The following PTPRD variants were observed in gnomAD, a reference collection of about 807,000 sequenced individuals.
PTPRD encodes the protein receptor-type tyrosine-protein phosphatase delta.
PTPRD carries 34 observed loss-of-function variants against 214.5 expected under a neutral mutation model. The observed-to-expected ratio is 0.16, with a 90% CI of 0.12 to 0.21. The LOEUF (loss-of-function observed/expected upper bound fraction) is 0.21. Among genes scored for constraint, PTPRD ranks in the 10% least tolerant of loss-of-function variants. The pLI, the probability that PTPRD is intolerant of heterozygous loss-of-function variation, is 1.00. For missense variants in PTPRD, 2,545 were observed against 2,398.7 expected (o/e 1.06, Z -1.27); for synonymous variants, 1,128 against 845.7 (o/e 1.33, Z -5.79).
At chr9:8,930,165 G>A (rs2098942150) in intron 11 of PTPRD, among the ~76,000 whole-genome samples, 1 of 146,052 alleles carries the variant, frequency 6.8e-6, no homozygotes, top group African/African-American at 2.6e-5. Flanking sequence ...CTGTGTCCAA[G>A]TGTTCTTATT....
intron 34 of PTPRD, among the ~76,000 whole-genome samples, chr9:8,445,522 G>A (rs937551079): frequency 2.6e-5 from 4 of 152,216 alleles, no homozygotes; most frequent in African/African-American, 9.6e-5. Context: ...TAATGAAAGT[G>A]TACAAGCACA....
At chr9:9,358,715 A>G in intron 9 of PTPRD, among the ~76,000 whole-genome samples, 1 of 151,358 alleles carries the variant, frequency 6.6e-6, no homozygotes, top group Non-Finnish European at 1.5e-5. Flanking sequence ...AGAACTAAAA[A>G]GTACATGTTG....
At chr9:9,285,885 T>C (rs1245063024) in intron 9 of PTPRD, among the ~76,000 whole-genome samples, 1 of 151,824 alleles carries the variant, frequency 6.6e-6, no homozygotes, top group African/African-American at 2.4e-5. Context: ...TGTATCTATA[T>C]CTATATCTAT....
intron 9 of PTPRD, among the ~76,000 whole-genome samples, chr9:9,383,679 C>T (rs563831838): frequency 2.0e-4 from 31 of 152,160 alleles, no homozygotes; most frequent in Non-Finnish European, 2.8e-4. Flanking sequence ...AGCTTTTATG[C>T]GGTACCTTAA....
chr9:8,713,753 G>T (rs2098397328), intron 12 of PTPRD: 16 of 1,520,564 alleles, frequency 1.1e-5, no homozygotes, highest in Middle Eastern at 2.3e-4. Flanking sequence ...TTCCACGACT[G>T]CAAGATCAAG....
intron 12 of PTPRD, among the ~76,000 whole-genome samples, chr9:8,638,485 T>A (rs912697005): frequency 7.2e-5 from 11 of 152,180 alleles, no homozygotes; most frequent in Non-Finnish European, 1.5e-4. Context: ...ACATATGAAA[T>A]ACATTAATTT....
At chr9:10,096,111 G>A (rs761333489) in intron 3 of PTPRD, among the ~76,000 whole-genome samples, 17 of 151,528 alleles carry the variant, frequency 1.1e-4, no homozygotes, top group East Asian at 3.9e-4. Context: ...ACATACGAGC[G>A]TAAACACCAT....
chr9:8,978,946 T>C (rs1478732561), intron 11 of PTPRD, among the ~76,000 whole-genome samples: 1 of 152,156 alleles, frequency 6.6e-6, no homozygotes, highest in African/African-American at 2.4e-5. Flanking sequence ...ACGACATTCA[T>C]TTGAATCCAA....
At chr9:10,100,997 T>C (rs1298219711) in intron 3 of PTPRD, among the ~76,000 whole-genome samples, 1 of 151,780 alleles carries the variant, frequency 6.6e-6, no homozygotes, top group African/African-American at 2.4e-5. Context: ...CTTTTCAAGT[T>C]GGCATTATAA....
chr9:9,549,337 A>G (rs1208953526), intron 8 of PTPRD, among the ~76,000 whole-genome samples: 2 of 152,106 alleles, frequency 1.3e-5, no homozygotes, highest in Non-Finnish European at 2.9e-5. Flanking sequence ...ACTAATCAAA[A>G]GACAATCCAA....
intron 9 of PTPRD, among the ~76,000 whole-genome samples, chr9:9,322,096 C>T (rs1272625348): frequency 1.3e-5 from 2 of 152,148 alleles, no homozygotes; most frequent in Non-Finnish European, 2.9e-5. Flanking sequence ...ACACAAGGCT[C>T]TAAGTGTACA....
At chr9:8,526,334 T>C (rs2074134807) in intron 17 of PTPRD, among the ~76,000 whole-genome samples, 1 of 150,746 alleles carries the variant, frequency 6.6e-6, no homozygotes, top group Non-Finnish European at 1.5e-5. Flanking sequence ...GGACAGATGG[T>C]ACGCTGTGAC....
At chr9:9,037,112 G>A (rs1367633841) in intron 10 of PTPRD, among the ~76,000 whole-genome samples, 5 of 152,076 alleles carry the variant, frequency 3.3e-5, no homozygotes, top group Non-Finnish European at 5.9e-5. Flanking sequence ...AACTCACTCC[G>A]TGCCTGGAAT....
chr9:10,150,113 A>G (rs181377282), intron 3 of PTPRD, among the ~76,000 whole-genome samples: 2 of 152,320 alleles, frequency 1.3e-5, no homozygotes. Context: ...TTAGAAATCT[A>G]GACACTAGAA....
chr9:9,518,836 T>C (rs1314143170), intron 8 of PTPRD, among the ~76,000 whole-genome samples: 2 of 151,912 alleles, frequency 1.3e-5, no homozygotes, highest in African/African-American at 2.4e-5. Flanking sequence ...TCCTATCACA[T>C]CTCTCTGCTT....
At chr9:9,351,866 G>T (rs2051311758) in intron 9 of PTPRD, among the ~76,000 whole-genome samples, 1 of 151,970 alleles carries the variant, frequency 6.6e-6, no homozygotes. Context: ...CCGTCCATTG[G>T]AGATAACATG....
At chr9:10,484,283 G>A (rs1192929596) in intron 2 of PTPRD, among the ~76,000 whole-genome samples, 1 of 152,054 alleles carries the variant, frequency 6.6e-6, no homozygotes, top group Non-Finnish European at 1.5e-5. Context: ...AATGGACATT[G>A]GAGACTCAGA....
At chr9:10,172,078 T>C (rs1593105293) in intron 3 of PTPRD, among the ~76,000 whole-genome samples, 1 of 152,304 alleles carries the variant, frequency 6.6e-6, no homozygotes, top group Admixed American at 6.5e-5. Context: ...TGAAAATATG[T>C]TTACACTGAA....
At chr9:10,320,549 T>C (rs645474) in intron 3 of PTPRD, among the ~76,000 whole-genome samples, 16,299 of 151,926 alleles carry the variant, frequency 0.11, 998 homozygotes, top group South Asian at 0.21. Context: ...AAAATTTAGG[T>C]TATTATTACC....
Sources: gnomAD v4.1 joint callset for allele counts (sites outside exome capture counted in the v4.1 genomes callset) on GRCh38, gnomAD v4.1.1 for gene constraint, MANE v1.5 for transcripts, NCBI Gene and HGNC (gene_info 2026-07-23, HGNC 2026-07-21) for gene names.